Variants in GRM8 observed in about 807,000 individuals in gnomAD.
GRM8 encodes metabotropic glutamate receptor 8.
In GRM8, 47 loss-of-function variants were observed where a neutral mutation model predicts 87.2. That is an observed-to-expected ratio of 0.54 (90% CI 0.43 to 0.69). GRM8 has a LOEUF of 0.69. GRM8 is among the 30% of genes least tolerant of loss of function. GRM8 has a pLI of 0.00. For synonymous variants in GRM8, 396 were observed against 404.5 expected (o/e 0.98, Z 0.25); for missense variants, 1,019 against 1,139.2 (o/e 0.89, Z 1.52).
intron 7 of GRM8, among the ~76,000 whole-genome samples, chr7:126,765,062 A>G (rs888128971): frequency 6.6e-6 from 1 of 152,066 alleles, no homozygotes; most frequent in Non-Finnish European, 1.5e-5. Context: ...AACAGATCTG[A>G]CATACAACCT....
intron 3 of GRM8, among the ~76,000 whole-genome samples, chr7:127,042,620 G>T (rs1198728246): frequency 6.6e-6 from 1 of 152,106 alleles, no homozygotes; most frequent in Non-Finnish European, 1.5e-5. Context: ...ATTCAAGATG[G>T]ATAAAAGACT....
intron 7 of GRM8, among the ~76,000 whole-genome samples, chr7:126,610,190 TTTCTC>T (rs1366283712): frequency 6.6e-6 from 1 of 152,226 alleles, no homozygotes; most frequent in African/African-American, 2.4e-5. Flanking sequence ...GTTTTCATCT[TTTCTC>T]TTAATAGTTT....
At chr7:126,625,895 C>G (rs564160783) in intron 7 of GRM8, among the ~76,000 whole-genome samples, 1 of 152,086 alleles carries the variant, frequency 6.6e-6, no homozygotes, top group Non-Finnish European at 1.5e-5. Flanking sequence ...AACCAAAATA[C>G]GTTACAATAC....
intron 7 of GRM8, among the ~76,000 whole-genome samples, chr7:126,756,438 A>G (rs1223747599): frequency 6.6e-6 from 1 of 152,078 alleles, no homozygotes; most frequent in Non-Finnish European, 1.5e-5. Flanking sequence ...TTAAAATGAA[A>G]AACTTCTGCT....
chr7:126,951,892 G>A (rs1027874866), intron 3 of GRM8, among the ~76,000 whole-genome samples: 6 of 151,952 alleles, frequency 3.9e-5, no homozygotes, highest in African/African-American at 1.2e-4. Context: ...GTGTATATGT[G>A]CAGGTTATTC....
At chr7:127,097,441 T>C (rs952274289) in intron 3 of GRM8, among the ~76,000 whole-genome samples, 13 of 152,318 alleles carry the variant, frequency 8.5e-5, no homozygotes, top group Admixed American at 2.0e-4. Context: ...GCTTCCTCTC[T>C]GGTCTTCCAT....
chr7:126,867,686 A>G (rs1237757852), intron 6 of GRM8, among the ~76,000 whole-genome samples: 1 of 152,166 alleles, frequency 6.6e-6, no homozygotes, highest in East Asian at 1.9e-4. Flanking sequence ...GAGAAATGAG[A>G]GGAGTGAAAA....
At chr7:127,241,715 G>A (rs1171533521) in intron 2 of GRM8, among the ~76,000 whole-genome samples, 1 of 152,098 alleles carries the variant, frequency 6.6e-6, no homozygotes, top group African/African-American at 2.4e-5. Flanking sequence ...GATTACAGGC[G>A]TGAGCCACTG....
At chr7:126,687,430 T>C (rs1218371327) in intron 7 of GRM8, among the ~76,000 whole-genome samples, 1 of 152,216 alleles carries the variant, frequency 6.6e-6, no homozygotes, top group Non-Finnish European at 1.5e-5. Flanking sequence ...TGTAATTCAC[T>C]TATTTTCATT....
chr7:126,848,019 T>C (rs991528125), intron 6 of GRM8, among the ~76,000 whole-genome samples: 2 of 152,184 alleles, frequency 1.3e-5, no homozygotes, highest in Admixed American at 1.3e-4. Flanking sequence ...AGGAGGTTAT[T>C]GCAATTGTCA....
At chr7:126,519,849 A>G (rs982595751) in intron 9 of GRM8, among the ~76,000 whole-genome samples, 2 of 152,134 alleles carry the variant, frequency 1.3e-5, no homozygotes, top group Non-Finnish European at 2.9e-5. Flanking sequence ...TGTGGACTAG[A>G]GATTTGACCT....
At chr7:127,138,572 G>A (rs934765493) in intron 2 of GRM8, among the ~76,000 whole-genome samples, 5 of 152,030 alleles carry the variant, frequency 3.3e-5, no homozygotes, top group African/African-American at 7.3e-5. Flanking sequence ...AATGACTTGA[G>A]GTTTAATGGG....
At chr7:126,524,041 A>G (rs531266783) in intron 9 of GRM8, among the ~76,000 whole-genome samples, 34 of 152,206 alleles carry the variant, frequency 2.2e-4, no homozygotes, top group Non-Finnish European at 3.4e-4. Flanking sequence ...TTCAGGTAGC[A>G]TAACTGGACT....
chr7:127,047,005 G>C (rs922600858), intron 3 of GRM8, among the ~76,000 whole-genome samples: 1 of 152,194 alleles, frequency 6.6e-6, no homozygotes, highest in East Asian at 1.9e-4. Flanking sequence ...AATAGGTCTT[G>C]ACGAAGGCAT....
At chr7:127,062,577 C>T (rs140077429) in intron 3 of GRM8, among the ~76,000 whole-genome samples, 17 of 152,250 alleles carry the variant, frequency 1.1e-4, no homozygotes, top group African/African-American at 3.9e-4. Context: ...ATAAGAAATA[C>T]TGTAGGAATG....
At chr7:127,199,986 A>G (rs1795499157) in intron 2 of GRM8, among the ~76,000 whole-genome samples, 1 of 152,186 alleles carries the variant, frequency 6.6e-6, no homozygotes, top group Non-Finnish European at 1.5e-5. Context: ...TATCATATAT[A>G]TTTTTTCTTA....
At chr7:126,706,686 A>T (rs561099553) in intron 7 of GRM8, among the ~76,000 whole-genome samples, 2 of 152,332 alleles carry the variant, frequency 1.3e-5, no homozygotes, top group South Asian at 4.1e-4. Flanking sequence ...TGATCACCAC[A>T]TTAGGTCAAC....
chr7:127,038,223 A>C (rs148332806), intron 3 of GRM8, among the ~76,000 whole-genome samples: 214 of 152,324 alleles, frequency 1.4e-3, no homozygotes, highest in African/African-American at 5.0e-3. Flanking sequence ...ATAGCAAGAT[A>C]TGCCTGGAAA....
Position 126,612,088 on chromosome 7 carries a change from T to C in GRM8, c.1358-2590A>G, listed in dbSNP as rs567739937. Among the ~76,000 whole-genome samples, 4 of 152,310 alleles carry C rather than the reference T, an allele frequency of 2.6e-5. No individual in the cohort carries two copies. In the East Asian group the frequency reaches 7.7e-4, roughly 29 times the overall value. ...CTATATCTCACATTTCTCAGTTATA[T>C]AGTGGGCTAATAGCAATTCCCACCT... On this transcript the variant is annotated intron_variant, in intron 7 of 10. Coordinates refer to ENST00000339582, the MANE Select transcript of GRM8 (RefSeq NM_000845.3).
Sources: allele counts gnomAD v4.1 joint callset (sites outside exome capture counted in the v4.1 genomes callset), GRCh38; gene constraint gnomAD v4.1.1; transcripts MANE v1.5; gene names NCBI Gene and HGNC (gene_info 2026-07-23, HGNC 2026-07-21).